GRIA4: variants seen among roughly 807,000 people sequenced by gnomAD.
GRIA4 encodes glutamate ionotropic receptor AMPA type subunit 4.
Under a neutral mutation model 104.0 loss-of-function variants are expected in GRIA4, and 34 were observed. The ratio of observed to expected loss-of-function variants is 0.33; its 90% CI spans 0.25 to 0.44. The LOEUF is 0.44. Ranked by LOEUF, GRIA4 falls within the 20% of genes least tolerant of loss-of-function variation. The pLI is 1.00. For missense variants in GRIA4, 750 were observed against 1,096.5 expected, an observed-to-expected ratio of 0.68 and a Z score of 4.46; for synonymous variants, 386 against 381.9, an observed-to-expected ratio of 1.01 and a Z score of -0.13.
intron 3 of GRIA4, among the ~76,000 whole-genome samples, chr11:105,727,075 T>TAACA (rs991151320): frequency 3.2e-4 from 49 of 151,874 alleles, no homozygotes; most frequent in African/African-American, 1.2e-3. Context: ...AGGTGGGTAA[T>TAACA]AACAAACTCC....
At chr11:105,949,520 G>A (rs151046768) in intron 14 of GRIA4, among the ~76,000 whole-genome samples, 105 of 152,174 alleles carry the variant, frequency 6.9e-4, no homozygotes, top group African/African-American at 2.5e-3. Context: ...TACATAGATC[G>A]TGTTGTAATG....
chr11:105,652,642 C>A lies in GRIA4; in HGVS notation c.247+40208C>A, dbSNP rs185343685. ...CTTTTTTATTTTCCAGGAAATTGGG[C>A]TTCTTTTTTATGACAATATTTTATG... On this transcript the variant is annotated intron_variant, in intron 3 of 16. Coordinates refer to ENST00000282499, the MANE Select transcript of GRIA4 (RefSeq NM_000829.4). Among the ~76,000 whole-genome samples, 193 of 152,094 alleles carry A rather than the reference C, an allele frequency of 1.3e-3. 3 individuals carry two copies. The highest frequency in any genetic ancestry group is 3.7e-4 in the Non-Finnish European group (25 of 67,964).
At position 105,634,493 on chromosome 11, in the gene GRIA4, GA is replaced by G. The variant is rs1209719437; in HGVS notation, c.247+22062del. ...GGAAAGAAAGAAAGAAAGAAAGAAAGAAAGAAAGAAAGAAAGAAAGAAGAAA... is the reference window on the plus strand; with the variant it reads ...GGAAAGAAAGAAAGAAAGAAAGAAAGAAGAAAGAAAGAAAGAAAGAAGAAA... On this transcript the variant is annotated intron_variant, in intron 3 of 16. Coordinates refer to ENST00000282499, the MANE Select transcript of GRIA4 (RefSeq NM_000829.4). Among the ~76,000 whole-genome samples, 123 of 65,820 alleles carry G rather than the reference GA, an allele frequency of 1.9e-3. 1 individual carries two copies. Among genetic ancestry groups the G allele is most frequent in the Middle Eastern group, 0.014 (2 of 140 alleles). The allele number at this position is 65,820 out of a possible 152,430, so 43.2% of individuals were successfully genotyped here. A position where few individuals can be genotyped will look rare whatever the true frequency, so the allele number is the denominator to read the frequency against.
chr11:105,936,799 A>G (rs1948053218), intron 14 of GRIA4, among the ~76,000 whole-genome samples: 1 of 152,354 alleles, frequency 6.6e-6, no homozygotes, highest in Admixed American at 6.5e-5. Flanking sequence ...ACTGAAAAAT[A>G]TCACAGCAAT....
At chr11:105,611,488 C>T (rs1177158506) in intron 2 of GRIA4, among the ~76,000 whole-genome samples, 6 of 152,080 alleles carry the variant, frequency 3.9e-5, no homozygotes, top group Admixed American at 1.3e-4. Flanking sequence ...CCATTCTGGA[C>T]GCCGCAGCTT....
At chr11:105,624,753 T>A (rs1348601463) in intron 3 of GRIA4, among the ~76,000 whole-genome samples, 1 of 152,066 alleles carries the variant, frequency 6.6e-6, no homozygotes, top group Non-Finnish European at 1.5e-5. Context: ...GCTTTCTTAA[T>A]GGGAAGTCTG....
intron 4 of GRIA4, among the ~76,000 whole-genome samples, chr11:105,767,626 T>C (rs1941009981): frequency 6.6e-6 from 1 of 152,180 alleles, no homozygotes; most frequent in Non-Finnish European, 1.5e-5. Flanking sequence ...TCTGAGGTTC[T>C]TCAAGAATTT....
intron 4 of GRIA4, among the ~76,000 whole-genome samples, chr11:105,801,047 G>A (rs1942699525): frequency 6.6e-6 from 1 of 151,676 alleles, no homozygotes; most frequent in African/African-American, 2.4e-5. Context: ...TATCACAATA[G>A]AAACATTAAA....
At chr11:105,811,191 C>G (rs78583836) in intron 4 of GRIA4, among the ~76,000 whole-genome samples, 1 of 152,078 alleles carries the variant, frequency 6.6e-6, no homozygotes, top group East Asian at 1.9e-4. Context: ...AAGAGGGCTG[C>G]AGGGAACACA....
At chr11:105,750,654 C>T (rs1302759595) in intron 3 of GRIA4, among the ~76,000 whole-genome samples, 1 of 151,940 alleles carries the variant, frequency 6.6e-6, no homozygotes, top group Admixed American at 6.6e-5. Flanking sequence ...ATAATGATTA[C>T]AATGAAAACA....
At chr11:105,863,017 T>C (rs911513600) in intron 5 of GRIA4, among the ~76,000 whole-genome samples, 1 of 152,200 alleles carries the variant, frequency 6.6e-6, no homozygotes, top group Admixed American at 6.5e-5. Context: ...TACAATACGT[T>C]AGTTCAGCCA....
chr11:105,800,674 C>T (rs891654005), intron 4 of GRIA4, among the ~76,000 whole-genome samples: 1 of 152,018 alleles, frequency 6.6e-6, no homozygotes, highest in African/African-American at 2.4e-5. Flanking sequence ...ATTCCTAAAT[C>T]ATCTTCTTCA....
chr11:105,656,643 C>G (rs1951855230), intron 3 of GRIA4, among the ~76,000 whole-genome samples: 1 of 152,002 alleles, frequency 6.6e-6, no homozygotes, highest in Non-Finnish European at 1.5e-5. Flanking sequence ...GGGAGCATTT[C>G]TTTAAGGCGT....
chr11:105,815,159 T>A (rs903137490), intron 4 of GRIA4, among the ~76,000 whole-genome samples: 2 of 152,164 alleles, frequency 1.3e-5, no homozygotes, highest in Non-Finnish European at 2.9e-5. Flanking sequence ...AACCAAACAA[T>A]ACCTAAAACC....
At chr11:105,963,606 G>A in intron 14 of GRIA4, among the ~76,000 whole-genome samples, 1 of 152,114 alleles carries the variant, frequency 6.6e-6, no homozygotes, top group East Asian at 1.9e-4. Context: ...GAACTGGGTA[G>A]TAACTTATCT....
intron 3 of GRIA4, among the ~76,000 whole-genome samples, chr11:105,675,473 C>T (rs1952507588): frequency 6.6e-6 from 1 of 151,734 alleles, no homozygotes; most frequent in African/African-American, 2.4e-5. Context: ...ATTAGCGTTC[C>T]TCTCTTGCTT....
At chr11:105,716,939 A>T (rs1017564030) in intron 3 of GRIA4, among the ~76,000 whole-genome samples, 1 of 152,108 alleles carries the variant, frequency 6.6e-6, no homozygotes, top group African/African-American at 2.4e-5. Context: ...AGTTGCTCTA[A>T]TCCATAAAAA....
At chr11:105,885,262 C>T (rs1215983805) in intron 5 of GRIA4, among the ~76,000 whole-genome samples, 3 of 152,164 alleles carry the variant, frequency 2.0e-5, no homozygotes, top group African/African-American at 7.2e-5. Context: ...TTAAATCACT[C>T]AAGTCTAGAT....
chr11:105,711,897 C>T (rs1349140762), intron 3 of GRIA4, among the ~76,000 whole-genome samples: 1 of 152,112 alleles, frequency 6.6e-6, no homozygotes, highest in Non-Finnish European at 1.5e-5. Flanking sequence ...CTTCCTCTTT[C>T]ACCCTCTGGA....
Sources: allele counts gnomAD v4.1 joint callset (sites outside exome capture counted in the v4.1 genomes callset), GRCh38; gene constraint gnomAD v4.1.1; transcripts MANE v1.5; gene names NCBI Gene and HGNC (gene_info 2026-07-23, HGNC 2026-07-21).